Variants in CYSTM1 observed in about 807,000 individuals in gnomAD.
The protein encoded by CYSTM1 is cysteine-rich transmembrane module-containing protein 1.
In CYSTM1, 4 loss-of-function variants were observed where a neutral mutation model predicts 13.1. The observed-to-expected ratio is 0.31, with a 90% CI of 0.15 to 0.70. CYSTM1 has a LOEUF of 0.70. Among genes scored for constraint, CYSTM1 ranks in the 30% least tolerant of loss-of-function variants. The pLI, the probability that CYSTM1 is intolerant of heterozygous loss-of-function variation, is 0.72. For missense variants in CYSTM1, 96 were observed against 121.6 expected, an observed-to-expected ratio of 0.79 and a Z score of 0.99; for synonymous variants, 36 against 42.7, an observed-to-expected ratio of 0.84 and a Z score of 0.62.
At chr5:140,233,954 A>G (rs1764648454) in intron 2 of CYSTM1, among the ~76,000 whole-genome samples, 1 of 152,160 alleles carries the variant, frequency 6.6e-6, no homozygotes, top group African/African-American at 2.4e-5. Context: ...CCATGGAGCA[A>G]AAGTTTTCAT....
intron 2 of CYSTM1, among the ~76,000 whole-genome samples, chr5:140,205,236 C>T (rs900553080): frequency 5.3e-5 from 8 of 152,146 alleles, no homozygotes; most frequent in Non-Finnish European, 2.9e-5. Flanking sequence ...CTATATTCCA[C>T]GGTCAGAGAT....
At chr5:140,240,517 T>C (rs960491347) in intron 2 of CYSTM1, among the ~76,000 whole-genome samples, 1 of 151,538 alleles carries the variant, frequency 6.6e-6, no homozygotes, top group South Asian at 2.1e-4. Context: ...CCAGGTAGCA[T>C]GGGGTGCCAG....
chr5:140,197,881 T>C (rs1055649649), intron 2 of CYSTM1, among the ~76,000 whole-genome samples: 1 of 152,198 alleles, frequency 6.6e-6, no homozygotes, highest in African/African-American at 2.4e-5. Flanking sequence ...AAAGGTGTGA[T>C]GAATGGATGA....
intron 2 of CYSTM1, among the ~76,000 whole-genome samples, chr5:140,210,537 AGG>A (rs1764355829): frequency 6.6e-6 from 1 of 150,748 alleles, no homozygotes; most frequent in Non-Finnish European, 1.5e-5. Context: ...TTTTTGAAAT[AGG>A]GTCTTGCTCT....
intron 1 of CYSTM1, among the ~76,000 whole-genome samples, chr5:140,188,078 T>A (rs1271760367): frequency 1.3e-5 from 2 of 151,574 alleles, no homozygotes; most frequent in Non-Finnish European, 2.9e-5. Context: ...AACTTTTTTT[T>A]TTTTTTTTTT....
intron 2 of CYSTM1, among the ~76,000 whole-genome samples, chr5:140,234,662 C>T (rs1256373150): frequency 1.3e-5 from 2 of 152,130 alleles, no homozygotes; most frequent in African/African-American, 2.4e-5. Context: ...ATGAGGTATA[C>T]TATTCATTAA....
intron 1 of CYSTM1, among the ~76,000 whole-genome samples, chr5:140,176,411 T>C (rs1265913025): frequency 6.6e-6 from 1 of 152,254 alleles, no homozygotes; most frequent in Admixed American, 6.5e-5. Context: ...TTATACAATA[T>C]GATACATGTA....
chr5:140,243,203 T>C (rs1267436029), intron 2 of CYSTM1, 102 bp from the exon 3 acceptor site: 2 of 891,050 alleles, frequency 2.2e-6, no homozygotes, highest in African/African-American at 1.7e-5. Context: ...TGCTCAATAG[T>C]TTTCCCCTGG....
chr5:140,243,417 C>T lies in CYSTM1; in HGVS notation c.*6C>T. Reference sequence around the variant, plus strand: ...TCTGGGACATGCTCACCTGACCAGACCAGCCCAGCCGTCCTGTCCTGCCAG... The same window carrying T: ...TCTGGGACATGCTCACCTGACCAGATCAGCCCAGCCGTCCTGTCCTGCCAG... On this transcript the variant is annotated 3_prime_UTR_variant, in exon 3 of 3. Transcript: ENST00000261811. 1 of 1,613,370 alleles carries T rather than the reference C, an allele frequency of 6.2e-7. No homozygotes were observed. Among genetic ancestry groups the T allele is most frequent in the Admixed American group, 1.7e-5 (1 of 60,000 alleles).
intron 2 of CYSTM1, among the ~76,000 whole-genome samples, chr5:140,223,314 C>T (rs914829758): frequency 1.3e-5 from 2 of 152,216 alleles, no homozygotes; most frequent in African/African-American, 4.8e-5. Context: ...CACATGGCCC[C>T]TGGGGCAGGG....
At chr5:140,195,625 CA>C (rs1056256861) in intron 2 of CYSTM1, among the ~76,000 whole-genome samples, 3 of 151,172 alleles carry the variant, frequency 2.0e-5, no homozygotes, top group Non-Finnish European at 3.0e-5. Context: ...GTATTTTTAG[CA>C]GAGACTGTGT....
At position 140,243,410 on chromosome 5, in the gene CYSTM1, G is replaced by A. The variant is rs370523896; in HGVS notation, c.293G>A (p.Ter98=). ...TGCTGTCTCTGGGACATGCTCACCT[G>A]ACCAGACCAGCCCAGCCGTCCTGTC... ...CCCCLWDMLT[*] is the part of the protein sequence containing the mutation. Residue 98 remains the stop codon, a stop_retained_variant, in exon 3 of 3, where the codon TGA becomes TAA. Transcript: ENST00000261811. The A allele has an allele frequency of 1.4e-5, 22 of 1,613,620 alleles. No individual in the cohort carries two copies. Among genetic ancestry groups the A allele is most frequent in the Non-Finnish European group, 1.9e-5 (22 of 1,179,936 alleles).
At chr5:140,217,158 G>A (rs1292580318) in intron 2 of CYSTM1, among the ~76,000 whole-genome samples, 3 of 152,178 alleles carry the variant, frequency 2.0e-5, no homozygotes, top group African/African-American at 7.2e-5. Context: ...GAGTCCATTT[G>A]CTAGCCTGGG....
intron 2 of CYSTM1, among the ~76,000 whole-genome samples, chr5:140,216,911 A>G (rs1314231516): frequency 6.6e-6 from 1 of 152,062 alleles, no homozygotes; most frequent in Non-Finnish European, 1.5e-5. Flanking sequence ...CACAAAGAGC[A>G]TACGCATTCT....
At chr5:140,218,990 G>T (rs1764460920) in intron 2 of CYSTM1, among the ~76,000 whole-genome samples, 1 of 152,166 alleles carries the variant, frequency 6.6e-6, no homozygotes, top group South Asian at 2.1e-4. Flanking sequence ...ATGGCAAGAG[G>T]CTGGTCATGA....
intron 1 of CYSTM1, among the ~76,000 whole-genome samples, chr5:140,184,630 A>C (rs1456197434): frequency 6.6e-6 from 1 of 152,196 alleles, no homozygotes; most frequent in East Asian, 1.9e-4. Context: ...AGGATAGGTC[A>C]TTTTAGTTGT....
chr5:140,216,109 T>A (rs1764423216), intron 2 of CYSTM1, among the ~76,000 whole-genome samples: 1 of 152,086 alleles, frequency 6.6e-6, no homozygotes, highest in Non-Finnish European at 1.5e-5. Context: ...TCCACTGCAC[T>A]CCAGCTTGGG....
chr5:140,232,286 A>C (rs1040239501), intron 2 of CYSTM1, among the ~76,000 whole-genome samples: 2 of 152,210 alleles, frequency 1.3e-5, no homozygotes, highest in Admixed American at 6.5e-5. Context: ...TATAAACCTG[A>C]AGCTTGGAGG....
At chr5:140,196,110 C>T (rs1255417022) in intron 2 of CYSTM1, among the ~76,000 whole-genome samples, 1 of 151,686 alleles carries the variant, frequency 6.6e-6, no homozygotes, top group Non-Finnish European at 1.5e-5. Context: ...AACATTTAAT[C>T]CTTGCAACAA....
Sources: gnomAD v4.1 joint callset for allele counts (sites outside exome capture counted in the v4.1 genomes callset) on GRCh38, gnomAD v4.1.1 for gene constraint, MANE v1.5 for transcripts, NCBI Gene and HGNC (gene_info 2026-07-23, HGNC 2026-07-21) for gene names.